The following PTPRN2 variants were observed in gnomAD, a reference collection of about 807,000 sequenced individuals.
PTPRN2 encodes the protein receptor-type tyrosine-protein phosphatase N2.
A neutral mutation model predicts 118.8 loss-of-function variants in PTPRN2; 74 were observed. The observed-to-expected ratio is 0.62, with a 90% CI of 0.52 to 0.76. The LOEUF (loss-of-function observed/expected upper bound fraction) is 0.76, where lower values mean the gene tolerates loss of function less well. Among genes scored for constraint, PTPRN2 ranks in the 30% least tolerant of loss-of-function variants. The probability of loss-of-function intolerance (pLI) is 0.00; values close to 1 mark genes in which losing one functional copy is unlikely to be tolerated. For synonymous variants in PTPRN2, 641 were observed against 608.0 expected, an observed-to-expected ratio of 1.05 and a Z score of -0.80; for missense variants, 1,481 against 1,394.4, an observed-to-expected ratio of 1.06 and a Z score of -0.99.
Position 158,113,295 on chromosome 7 carries a change from G to A in PTPRN2, c.1557-2380C>T, listed in dbSNP as rs139489551. On this transcript the variant is annotated intron_variant, in intron 9 of 22. Coordinates refer to ENST00000389418, the MANE Select transcript of PTPRN2 (RefSeq NM_002847.5). ...GCAGCCTGTTCAGCATTGGAGGGAT[G>A]GAGAGTAGGAAAGGAGAGATGGGGC... 5.1e-3 allele frequency among the ~76,000 whole-genome samples: 780 copies of A among 152,256 alleles called. 3 individuals carry two copies. Among genetic ancestry groups the A allele is most frequent in the African/African-American group, 0.018 (751 of 41,546 alleles).
intron 2 of PTPRN2, among the ~76,000 whole-genome samples, chr7:158,358,049 G>T (rs1029339124): frequency 6.6e-6 from 1 of 152,154 alleles, no homozygotes; most frequent in South Asian, 2.1e-4. Flanking sequence ...GCTTAAGGTG[G>T]CTCCTTAGAA....
chr7:158,493,377 GCA>G (rs1221801186), intron 1 of PTPRN2, among the ~76,000 whole-genome samples: 32 of 137,278 alleles, frequency 2.3e-4, no homozygotes, highest in African/African-American at 7.4e-4. Context: ...ATACACACAT[GCA>G]CACACTCATA....
At chr7:158,018,839 T>A (rs564845123) in intron 11 of PTPRN2, among the ~76,000 whole-genome samples, 1 of 151,960 alleles carries the variant, frequency 6.6e-6, no homozygotes, top group African/African-American at 2.4e-5. Flanking sequence ...TAGGTGCCTG[T>A]AATCCCAGCT....
At chr7:157,747,888 G>A (rs1585367430) in intron 12 of PTPRN2, among the ~76,000 whole-genome samples, 1 of 146,688 alleles carries the variant, frequency 6.8e-6, no homozygotes, top group Admixed American at 6.8e-5. Flanking sequence ...GGGTGTCCGG[G>A]TGATTCTGAG....
chr7:158,143,211 G>A (rs753099889), intron 6 of PTPRN2, among the ~76,000 whole-genome samples: 1 of 152,208 alleles, frequency 6.6e-6, no homozygotes, highest in Non-Finnish European at 1.5e-5. Flanking sequence ...TGCAGGGATC[G>A]GGAGGAAGAG....
chr7:157,734,657 TC>T (rs1157648164), intron 12 of PTPRN2, among the ~76,000 whole-genome samples: 1 of 152,210 alleles, frequency 6.6e-6, no homozygotes, highest in Non-Finnish European at 1.5e-5. Context: ...TTAACTCTGC[TC>T]CCATCTTACT....
chr7:158,379,806 C>T (rs543719481), intron 2 of PTPRN2, among the ~76,000 whole-genome samples: 1 of 152,270 alleles, frequency 6.6e-6, no homozygotes, highest in East Asian at 1.9e-4. Flanking sequence ...ATACCTGAGA[C>T]TGGGTAATTT....
At chr7:158,547,893 G>A (rs1263633400) in intron 1 of PTPRN2, among the ~76,000 whole-genome samples, 2 of 152,218 alleles carry the variant, frequency 1.3e-5, no homozygotes, top group Non-Finnish European at 2.9e-5. Context: ...AGCAAAAACT[G>A]TGAAGATTAA....
At chr7:158,430,593 G>A (rs1387341601) in intron 2 of PTPRN2, among the ~76,000 whole-genome samples, 2 of 152,234 alleles carry the variant, frequency 1.3e-5, no homozygotes, top group Non-Finnish European at 2.9e-5. Context: ...TAATTGACAG[G>A]GAACATTTGG....
rs370683601 is a variant in PTPRN2, at chr7:158,509,110, GGA to G, written c.113-19327_113-19326del. Among the ~76,000 whole-genome samples, 100 of 151,958 alleles carry G rather than the reference GGA, an allele frequency of 6.6e-4. 1 individual carries two copies. In the South Asian group the frequency reaches 0.02, roughly 31 times the overall value. ...GAAGATGGGGACTGGGAGGGGAGAG[GGA>G]GAGAGAGAGCAGAAGGATGAGCTTC... On this transcript the variant is annotated intron_variant, in intron 1 of 22. Transcript: ENST00000389418. The surrounding 1 kb of genome is among the most constrained non-coding windows in gnomAD (Gnocchi z 4.4).
chr7:158,298,428 T>C (rs1039008166), intron 3 of PTPRN2, among the ~76,000 whole-genome samples: 1 of 152,248 alleles, frequency 6.6e-6, no homozygotes, highest in African/African-American at 2.4e-5. Flanking sequence ...AATATTTGCA[T>C]GTACATAATG....
intron 12 of PTPRN2, among the ~76,000 whole-genome samples, chr7:157,687,744 A>G (rs552388936): frequency 6.6e-6 from 1 of 152,210 alleles, no homozygotes; most frequent in South Asian, 2.1e-4. Flanking sequence ...AAAATATAAT[A>G]CTCACTTTAG....
chr7:158,361,682 C>T (rs1296969217), intron 2 of PTPRN2, among the ~76,000 whole-genome samples: 1 of 152,194 alleles, frequency 6.6e-6, no homozygotes, highest in Non-Finnish European at 1.5e-5. Flanking sequence ...ACCTTGGGGG[C>T]ACTCCCGGAC....
chr7:158,580,509 C>T (rs960264681), intron 1 of PTPRN2, among the ~76,000 whole-genome samples: 66 of 152,184 alleles, frequency 4.3e-4, no homozygotes, highest in African/African-American at 1.1e-3. Context: ...CACGTGGTGA[C>T]GGAGCACCCA....
At chr7:158,004,369 GT>G (rs1805501456) in intron 11 of PTPRN2, among the ~76,000 whole-genome samples, 1 of 152,118 alleles carries the variant, frequency 6.6e-6, no homozygotes, top group African/African-American at 2.4e-5. Flanking sequence ...CCACAGCTGG[GT>G]GGTGGTTCTA....
chr7:157,909,986 C>A (rs1336841469), intron 11 of PTPRN2, among the ~76,000 whole-genome samples: 1 of 152,224 alleles, frequency 6.6e-6, no homozygotes, highest in Non-Finnish European at 1.5e-5. Context: ...ACCACTGTTA[C>A]CTCTATTACT....
chr7:158,541,718 A>G (rs561052738), intron 1 of PTPRN2: 180 of 1,230,374 alleles, frequency 1.5e-4, no homozygotes, highest in South Asian at 1.1e-3. Context: ...AAATTAAAAC[A>G]CTTGCTTAAA....
intron 9 of PTPRN2, among the ~76,000 whole-genome samples, chr7:158,132,695 AACAC>A (rs1246318196): frequency 1.3e-5 from 2 of 151,754 alleles, no homozygotes; most frequent in Non-Finnish European, 2.9e-5. Context: ...ACATCTACCC[AACAC>A]ACATTCATAT....
chr7:158,149,274 G>T (rs184015066), intron 6 of PTPRN2, among the ~76,000 whole-genome samples: 4 of 152,134 alleles, frequency 2.6e-5, no homozygotes, highest in East Asian at 1.9e-4. Flanking sequence ...CCAACCAAAA[G>T]ACCTCCAAAC....
Sources: gnomAD v4.1 joint callset for allele counts (sites outside exome capture counted in the v4.1 genomes callset) on GRCh38, gnomAD v4.1.1 for gene constraint, Gnocchi (gnomAD v3.1) non-coding constraint, MANE v1.5 for transcripts, NCBI Gene and HGNC (gene_info 2026-07-23, HGNC 2026-07-21) for gene names.